The following EEFSEC variants were observed in gnomAD, a reference collection of about 807,000 sequenced individuals.
The protein encoded by EEFSEC is eukaryotic elongation factor, selenocysteine-tRNA specific, also known as selenocysteine-specific elongation factor.
Under a neutral mutation model 42.1 loss-of-function variants are expected in EEFSEC, and 43 were observed. That is an observed-to-expected ratio of 1.02 (90% CI 0.80 to 1.32). The LOEUF (loss-of-function observed/expected upper bound fraction) is 1.32, where lower values mean the gene tolerates loss of function less well. EEFSEC is among the 40% of genes most tolerant of loss of function. The pLI is 0.00. For missense variants in EEFSEC, 745 were observed against 803.6 expected (o/e 0.93, Z 0.88); for synonymous variants, 354 against 339.1 (o/e 1.04, Z -0.48).
At chr3:128,253,117 C>A (rs1157394576) in intron 2 of EEFSEC, among the ~76,000 whole-genome samples, 1 of 152,342 alleles carries the variant, frequency 6.6e-6, no homozygotes, top group Admixed American at 6.5e-5. Context: ...GGCCAGACAC[C>A]TGGCCCAACA....
At chr3:128,342,023 A>G in intron 5 of EEFSEC, 134 bp downstream of exon 5, 4 of 1,261,094 alleles carry the variant, frequency 3.2e-6, no homozygotes, top group Non-Finnish European at 4.3e-6. Context: ...TAGTTTCTGT[A>G]CAAGGCATCT....
chr3:128,243,643 A>G (rs1174996557), intron 1 of EEFSEC, among the ~76,000 whole-genome samples: 1 of 152,216 alleles, frequency 6.6e-6, no homozygotes, highest in Non-Finnish European at 1.5e-5. Flanking sequence ...TGGGGCATCA[A>G]GGATCAGGGG....
At chr3:128,357,777 C>A (rs139249586) in intron 5 of EEFSEC, among the ~76,000 whole-genome samples, 30 of 151,912 alleles carry the variant, frequency 2.0e-4, no homozygotes, top group Non-Finnish European at 3.2e-4. Flanking sequence ...GCCCTGGGGA[C>A]AGGCTGGGTC....
the EEFSEC span, among the ~76,000 whole-genome samples, chr3:128,414,789 G>A: frequency 6.6e-6 from 1 of 152,354 alleles, no homozygotes; most frequent in African/African-American, 2.4e-5. Context: ...GGCCGACAGG[G>A]AGGAGCATGA....
chr3:128,425,494 C>G, the EEFSEC span, among the ~76,000 whole-genome samples: 1 of 152,352 alleles, frequency 6.6e-6, no homozygotes, highest in East Asian at 1.9e-4. Flanking sequence ...AGCATCGGTG[C>G]TTCTCTCCCA....
In EEFSEC at chr3:128,362,829, G is replaced by C. The variant is rs576619790; in HGVS notation, c.1600+4456G>C. Among the ~76,000 whole-genome samples the C allele has an allele frequency of 2.0e-5, 3 of 152,276 alleles. No homozygotes were observed. In the South Asian group the frequency reaches 6.2e-4, roughly 32 times the overall value. ...GCAGCGGGTGCTGCTCACGTGCCGG[G>C]AGCTCAAAAGGGTACTCATATCTCA... On this transcript the variant is annotated intron_variant, in intron 6 of 6. Coordinates refer to ENST00000254730, the MANE Select transcript of EEFSEC (RefSeq NM_021937.5).
At chr3:128,288,728 C>A (rs1030050618) in intron 4 of EEFSEC, among the ~76,000 whole-genome samples, 1 of 152,158 alleles carries the variant, frequency 6.6e-6, no homozygotes. Flanking sequence ...AATGTCTTGC[C>A]CCATCACTGT....
chr3:128,353,216 A>T (rs2067409949), intron 5 of EEFSEC, among the ~76,000 whole-genome samples: 1 of 152,246 alleles, frequency 6.6e-6, no homozygotes, highest in Non-Finnish European at 1.5e-5. Context: ...CTAAGAACTT[A>T]TGATGACACC....
chr3:128,245,957 C>T (rs1390776152), intron 1 of EEFSEC, among the ~76,000 whole-genome samples: 2 of 152,100 alleles, frequency 1.3e-5, no homozygotes, highest in African/African-American at 4.8e-5. Context: ...CCGAGAAATG[C>T]TTCATGGGCA....
chr3:128,198,383 G>A (rs1559864815), intron 1 of EEFSEC, among the ~76,000 whole-genome samples: 1 of 152,152 alleles, frequency 6.6e-6, no homozygotes, highest in Non-Finnish European at 1.5e-5. Flanking sequence ...GTTGAATTAT[G>A]TATATGTGTG....
intron 1 of EEFSEC, among the ~76,000 whole-genome samples, chr3:128,173,564 C>G (rs933961703): frequency 2.0e-5 from 3 of 152,146 alleles, no homozygotes; most frequent in African/African-American, 7.2e-5. Flanking sequence ...GATTGAATAA[C>G]CATTCTGAAG....
At chr3:128,269,412 T>C (rs545549354) in intron 4 of EEFSEC, among the ~76,000 whole-genome samples, 1 of 152,360 alleles carries the variant, frequency 6.6e-6, no homozygotes, top group South Asian at 2.1e-4. Context: ...GGTTCAGAAC[T>C]CCTGACCTCC....
intron 6 of EEFSEC, among the ~76,000 whole-genome samples, chr3:128,387,535 G>A (rs1216748558): frequency 2.0e-5 from 3 of 152,020 alleles, no homozygotes; most frequent in Non-Finnish European, 2.9e-5. Context: ...CTGAGGGTGC[G>A]AGAAATCTAC....
intron 4 of EEFSEC, among the ~76,000 whole-genome samples, chr3:128,276,866 G>T (rs2107957994): frequency 6.6e-6 from 1 of 152,372 alleles, no homozygotes; most frequent in East Asian, 1.9e-4. Flanking sequence ...CCTGGGAGAA[G>T]AGTGTGGGAA....
At chr3:128,211,855 T>C (rs1266747460) in intron 1 of EEFSEC, among the ~76,000 whole-genome samples, 13 of 112,290 alleles carry the variant, frequency 1.2e-4, no homozygotes, top group African/African-American at 2.1e-4. Flanking sequence ...TTTCTTTTTT[T>C]TTTTTTTTTT....
intron 1 of EEFSEC, among the ~76,000 whole-genome samples, chr3:128,170,698 C>T (rs1293867394): frequency 6.6e-6 from 1 of 152,102 alleles, no homozygotes; most frequent in Non-Finnish European, 1.5e-5. Context: ...TTTTTTCCCT[C>T]TAGAATCAAA....
chr3:128,170,383 G>A (rs1028162807), intron 1 of EEFSEC, among the ~76,000 whole-genome samples: 4 of 151,842 alleles, frequency 2.6e-5, no homozygotes, highest in Non-Finnish European at 5.9e-5. Context: ...CCAACATGAC[G>A]AAACCCCGTC....
At chr3:128,276,541 TAG>T (rs1331722170) in intron 4 of EEFSEC, among the ~76,000 whole-genome samples, 3 of 152,122 alleles carry the variant, frequency 2.0e-5, no homozygotes, top group Non-Finnish European at 4.4e-5. Flanking sequence ...GCCTGCTTTG[TAG>T]AGTTACTGTG....
At chr3:128,402,457 C>G (rs1362161374) in intron 6 of EEFSEC, among the ~76,000 whole-genome samples, 2 of 152,194 alleles carry the variant, frequency 1.3e-5, no homozygotes, top group Non-Finnish European at 2.9e-5. Context: ...CTTTGTAGTT[C>G]TCAAAAACGT....
Sources: allele counts gnomAD v4.1 joint callset (sites outside exome capture counted in the v4.1 genomes callset), GRCh38; gene constraint gnomAD v4.1.1; transcripts MANE v1.5; gene names NCBI Gene and HGNC (gene_info 2026-07-23, HGNC 2026-07-21).